The following MIB1 variants were observed in gnomAD, a reference collection of about 807,000 sequenced individuals.
The protein encoded by MIB1 is MIB E3 ubiquitin protein ligase 1.
MIB1 carries 278 observed loss-of-function variants against 124.5 expected under a neutral mutation model. The observed-to-expected ratio is 2.23, with a 90% CI of 2.02 to 2.47. The LOEUF (loss-of-function observed/expected upper bound fraction) is 2.47. Ranked by LOEUF, MIB1 falls within the 30% of genes most tolerant of loss-of-function variation. The pLI is 0.00. For missense variants in MIB1, 957 were observed against 1,254.4 expected (o/e 0.76, Z 3.58); for synonymous variants, 446 against 429.4 (o/e 1.04, Z -0.48).
intron 1 of MIB1, among the ~76,000 whole-genome samples, chr18:21,753,671 TTTTC>T (rs1280624045): frequency 6.6e-6 from 1 of 151,872 alleles, no homozygotes; most frequent in Admixed American, 6.6e-5. Context: ...GTGCATTTCT[TTTTC>T]TTTCTTTCGT....
intron 1 of MIB1, among the ~76,000 whole-genome samples, chr18:21,754,810 C>T (rs1045135825): frequency 2.0e-5 from 3 of 152,148 alleles, no homozygotes. Flanking sequence ...AAGATGGAAA[C>T]GGCACTAAAT....
intron 12 of MIB1, among the ~76,000 whole-genome samples, 188 bp downstream of exon 12, chr18:21,819,834 A>G (rs1351500547): frequency 6.6e-6 from 1 of 152,216 alleles, no homozygotes; most frequent in Non-Finnish European, 1.5e-5. Context: ...TACAAATATT[A>G]TGAAATGATT....
intron 10 of MIB1, among the ~76,000 whole-genome samples, chr18:21,807,629 G>A (rs2041723419): frequency 6.6e-6 from 1 of 152,168 alleles, no homozygotes; most frequent in African/African-American, 2.4e-5. Context: ...TGGGTGGGTG[G>A]AGGAGGTACA....
intron 4 of MIB1, among the ~76,000 whole-genome samples, chr18:21,775,174 T>C (rs1191789732): frequency 6.6e-6 from 1 of 151,988 alleles, no homozygotes; most frequent in African/African-American, 2.4e-5. Context: ...CTTGATCTCC[T>C]GACCTCGTGA....
At chr18:21,731,157 C>T (rs889816160) in intron 1 of MIB1, among the ~76,000 whole-genome samples, 1 of 152,170 alleles carries the variant, frequency 6.6e-6, no homozygotes. Flanking sequence ...CTGAATTGTA[C>T]GTACCTGAGT....
chr18:21,711,701 T>A (rs895663747), intron 1 of MIB1, among the ~76,000 whole-genome samples: 2 of 152,174 alleles, frequency 1.3e-5, no homozygotes, highest in African/African-American at 4.8e-5. Flanking sequence ...TCTTTCTTTC[T>A]TTTTATTTTT....
intron 18 of MIB1, among the ~76,000 whole-genome samples, chr18:21,853,854 A>C (rs963143404): frequency 6.6e-6 from 1 of 151,888 alleles, no homozygotes; most frequent in African/African-American, 2.4e-5. Context: ...TTGTCAATAA[A>C]AGATTTTATT....
chr18:21,827,114 G>C (rs1443992865), intron 12 of MIB1: 1 of 152,072 alleles, frequency 6.6e-6, no homozygotes, highest in East Asian at 1.9e-4. Context: ...AAATAGTACA[G>C]CATTTGATAA....
chr18:21,768,147 G>C (rs2041184771), intron 2 of MIB1, among the ~76,000 whole-genome samples: 1 of 152,184 alleles, frequency 6.6e-6, no homozygotes, highest in African/African-American at 2.4e-5. Context: ...TACTCACCTA[G>C]AAGCTATAGC....
intron 3 of MIB1, among the ~76,000 whole-genome samples, chr18:21,772,186 G>T (rs996199022): frequency 6.6e-5 from 10 of 152,088 alleles, no homozygotes; most frequent in Non-Finnish European, 1.5e-4. Flanking sequence ...GGATGAAAAA[G>T]AATGGTCATT....
intron 9 of MIB1, among the ~76,000 whole-genome samples, chr18:21,802,631 C>G (rs531300300): frequency 6.6e-6 from 1 of 152,190 alleles, no homozygotes; most frequent in African/African-American, 2.4e-5. Context: ...GTTTTTGTCT[C>G]TTCTAAGTTA....
In MIB1 at chr18:21,815,174, A is replaced by T. The variant is rs192467785; in HGVS notation, c.1480-442A>T. On this transcript the variant is annotated intron_variant, in intron 10 of 20. Coordinates refer to ENST00000261537, the MANE Select transcript of MIB1 (RefSeq NM_020774.4). ...TTCAAGTCAGTTTCTAGGTTTTAAA[A>T]AATTTTTTTATAGAGACAGGGTCTC... Among the ~76,000 whole-genome samples the T allele has an allele frequency of 3.7e-4, 56 of 150,202 alleles. No individual in the cohort carries two copies. The East Asian group carries it at 0.011, about 29-fold the overall frequency.
intron 10 of MIB1, among the ~76,000 whole-genome samples, chr18:21,814,724 C>CCA (rs1361862328): frequency 6.6e-6 from 1 of 151,842 alleles, no homozygotes; most frequent in African/African-American, 2.4e-5. Context: ...CAGGCATGTG[C>CCA]CACCATGTCT....
intron 1 of MIB1, among the ~76,000 whole-genome samples, chr18:21,731,373 T>G (rs928408699): frequency 2.0e-5 from 3 of 152,232 alleles, no homozygotes; most frequent in African/African-American, 7.2e-5. Flanking sequence ...TGTATGACTA[T>G]ACTGCAAGAT....
intron 1 of MIB1, among the ~76,000 whole-genome samples, chr18:21,723,856 C>T (rs1328924774): frequency 6.6e-6 from 1 of 151,658 alleles, no homozygotes; most frequent in African/African-American, 2.4e-5. Flanking sequence ...ATAAAGTAAG[C>T]TAAACATAAA....
chr18:21,730,231 C>T (rs555476663), intron 1 of MIB1, among the ~76,000 whole-genome samples: 22 of 152,186 alleles, frequency 1.4e-4, no homozygotes, highest in Admixed American at 4.6e-4. Context: ...TTCCTTTCTT[C>T]GGCTCATATT....
chr18:21,843,169 A>G lies in MIB1; in HGVS notation c.2001A>G (p.Gln667=). The G allele has an allele frequency of 1.2e-6, 2 of 1,606,196 alleles. No homozygotes were observed. The highest frequency in any genetic ancestry group is 1.1e-5 in the South Asian group (1 of 89,144). Residue 667 remains glutamine, a synonymous_variant, in exon 14 of 21, where the codon CAA becomes CAG. Coordinates refer to ENST00000261537, the MANE Select transcript of MIB1 (RefSeq NM_020774.4). The stretch of plus-strand genomic sequence containing the variant: ...TGGATATCCAGAATGTGAACCAACA[A>G]ACTGCCCTACACCTTGCTGTTGAAC... ...ANLDIQNVNQ[Q]TALHLAVERQ... is the part of the protein sequence containing the mutation.
chr18:21,753,522 A>G (rs1220683328), intron 1 of MIB1, among the ~76,000 whole-genome samples: 1 of 151,960 alleles, frequency 6.6e-6, no homozygotes, highest in Non-Finnish European at 1.5e-5. Context: ...AGATGAGACC[A>G]ATTTGATTTC....
chr18:21,780,474 A>G (rs1235021420), intron 6 of MIB1, among the ~76,000 whole-genome samples: 1 of 152,168 alleles, frequency 6.6e-6, no homozygotes, highest in African/African-American at 2.4e-5. Context: ...CATATGAGTG[A>G]GAACATGTGG....
Sources: gnomAD v4.1 joint callset for allele counts (sites outside exome capture counted in the v4.1 genomes callset) on GRCh38, gnomAD v4.1.1 for gene constraint, MANE v1.5 for transcripts, NCBI Gene and HGNC (gene_info 2026-07-23, HGNC 2026-07-21) for gene names.